The following CDKAL1 variants were observed in gnomAD, a reference collection of about 807,000 sequenced individuals.
The protein encoded by CDKAL1 is CDKAL1 threonylcarbamoyladenosine tRNA methylthiotransferase.
CDKAL1 carries 32 observed loss-of-function variants against 68.2 expected under a neutral mutation model. The observed-to-expected ratio is 0.47, with a 90% CI of 0.35 to 0.63. The LOEUF is 0.63. CDKAL1 is among the 30% of genes least tolerant of loss of function. The pLI, the probability that CDKAL1 is intolerant of heterozygous loss-of-function variation, is 0.00. For synonymous variants in CDKAL1, 234 were observed against 244.3 expected (o/e 0.96, Z 0.39); for missense variants, 606 against 696.7 (o/e 0.87, Z 1.47).
intron 5 of CDKAL1, among the ~76,000 whole-genome samples, chr6:20,717,772 G>C (rs1772166146): frequency 1.3e-5 from 2 of 152,134 alleles, no homozygotes; most frequent in Admixed American, 1.3e-4. Flanking sequence ...GCCACATAGG[G>C]CATAAGTCAG....
intron 8 of CDKAL1, among the ~76,000 whole-genome samples, chr6:20,790,508 C>T (rs188141652): frequency 3.3e-5 from 5 of 152,252 alleles, no homozygotes; most frequent in East Asian, 3.9e-4. Flanking sequence ...AACTTGGTGA[C>T]GCTGGATTTT....
intron 13 of CDKAL1, among the ~76,000 whole-genome samples, chr6:21,110,247 A>G (rs547011829): frequency 6.6e-6 from 1 of 152,328 alleles, no homozygotes; most frequent in Admixed American, 6.5e-5. Flanking sequence ...GTTTTATTCC[A>G]GGCAGCTCCC....
At chr6:21,151,627 G>T (rs1776415012) in intron 13 of CDKAL1, among the ~76,000 whole-genome samples, 1 of 152,120 alleles carries the variant, frequency 6.6e-6, no homozygotes, top group Non-Finnish European at 1.5e-5. Flanking sequence ...GACTTTAATA[G>T]AAAAATAAAT....
intron 8 of CDKAL1, among the ~76,000 whole-genome samples, chr6:20,828,128 A>G (rs755327044): frequency 4.6e-5 from 7 of 152,170 alleles, no homozygotes; most frequent in Non-Finnish European, 8.8e-5. Flanking sequence ...CTGCTGTTTT[A>G]ATAAACTTTT....
intron 5 of CDKAL1, among the ~76,000 whole-genome samples, chr6:20,731,079 G>T (rs1286763884): frequency 1.3e-5 from 2 of 152,122 alleles, no homozygotes; most frequent in Non-Finnish European, 2.9e-5. Context: ...CACTCAGAAG[G>T]CCTCTGTGGC....
intron 4 of CDKAL1, among the ~76,000 whole-genome samples, chr6:20,632,204 G>T (rs1261030546): frequency 1.3e-5 from 2 of 152,124 alleles, no homozygotes; most frequent in East Asian, 3.9e-4. Context: ...ACTTAAATTA[G>T]CCTATAATTG....
chr6:21,124,540 A>G (rs2151012788), intron 13 of CDKAL1, among the ~76,000 whole-genome samples: 1 of 151,836 alleles, frequency 6.6e-6, no homozygotes, highest in Non-Finnish European at 1.5e-5. Context: ...CCAAAACCAG[A>G]ATGTCATCCT....
At chr6:20,909,410 T>A (rs1009488263) in intron 9 of CDKAL1, among the ~76,000 whole-genome samples, 1 of 152,128 alleles carries the variant, frequency 6.6e-6, no homozygotes, top group Non-Finnish European at 1.5e-5. Context: ...ATCCAGTGAG[T>A]CTTTACTTAC....
At chr6:20,672,480 G>A (rs1235675287) in intron 5 of CDKAL1, among the ~76,000 whole-genome samples, 1 of 151,688 alleles carries the variant, frequency 6.6e-6, no homozygotes, top group Non-Finnish European at 1.5e-5. Context: ...TCAGCCTCCC[G>A]AGTAGCTGGG....
chr6:20,786,285 T>G (rs1775667822), intron 8 of CDKAL1, among the ~76,000 whole-genome samples: 1 of 152,108 alleles, frequency 6.6e-6, no homozygotes, highest in African/African-American at 2.4e-5. Context: ...AAGGAAGAAG[T>G]TGAAAATTTC....
At chr6:20,665,881 T>C (rs1769516584) in intron 5 of CDKAL1, among the ~76,000 whole-genome samples, 1 of 152,088 alleles carries the variant, frequency 6.6e-6, no homozygotes, top group African/African-American at 2.4e-5. Context: ...GAATTCTCTG[T>C]ACAGCATAGA....
intron 5 of CDKAL1, among the ~76,000 whole-genome samples, chr6:20,686,664 A>G (rs1454133156): frequency 6.6e-6 from 1 of 152,222 alleles, no homozygotes; most frequent in Non-Finnish European, 1.5e-5. Context: ...ATCTGTGGAA[A>G]AATTACCTTT....
At chr6:20,594,067 G>A (rs1765711466) in intron 4 of CDKAL1, among the ~76,000 whole-genome samples, 1 of 152,160 alleles carries the variant, frequency 6.6e-6, no homozygotes, top group African/African-American at 2.4e-5. Flanking sequence ...CTGTTCTTTT[G>A]CATTTGCTGA....
At chr6:21,137,681 A>T (rs1479555198) in intron 13 of CDKAL1, among the ~76,000 whole-genome samples, 1 of 152,204 alleles carries the variant, frequency 6.6e-6, no homozygotes, top group African/African-American at 2.4e-5. Context: ...TGACAGCATG[A>T]TAGCTGTTTA....
intron 8 of CDKAL1, among the ~76,000 whole-genome samples, chr6:20,799,240 C>T (rs1286694434): frequency 6.6e-5 from 10 of 151,596 alleles, no homozygotes; most frequent in Non-Finnish European, 8.8e-5. Context: ...TTAGTAGAGA[C>T]GGGGTTTCTC....
intron 4 of CDKAL1, among the ~76,000 whole-genome samples, chr6:20,600,791 C>T (rs867956959): frequency 0.14 from 10,622 of 76,618 alleles, 653 homozygotes; most frequent in African/African-American, 0.24. Flanking sequence ...TATATATACA[C>T]ACACACACAT....
chr6:20,762,202 G>A (rs936162845), intron 7 of CDKAL1, among the ~76,000 whole-genome samples: 1 of 152,194 alleles, frequency 6.6e-6, no homozygotes, highest in African/African-American at 2.4e-5. Flanking sequence ...CCCAGGCTGA[G>A]TTAATCATGG....
chr6:21,047,162 C>T (rs1006702594), intron 11 of CDKAL1, among the ~76,000 whole-genome samples: 3 of 151,802 alleles, frequency 2.0e-5, no homozygotes, highest in East Asian at 1.9e-4. Context: ...TAGATCCTTC[C>T]GTCTCAGCCT....
At chr6:20,671,111 G>A (rs73732732) in intron 5 of CDKAL1, among the ~76,000 whole-genome samples, 1 of 152,100 alleles carries the variant, frequency 6.6e-6, no homozygotes. Context: ...CTCCAAAAGG[G>A]TTGTAACACT....
Sources: allele counts gnomAD v4.1 joint callset (sites outside exome capture counted in the v4.1 genomes callset), GRCh38; gene constraint gnomAD v4.1.1; transcripts MANE v1.5; gene names NCBI Gene and HGNC (gene_info 2026-07-23, HGNC 2026-07-21).